RPS6KC1: variants seen among roughly 807,000 people sequenced by gnomAD.
RPS6KC1 encodes the protein inactive ribosomal protein S6 kinase delta-1.
A neutral mutation model predicts 103.8 loss-of-function variants in RPS6KC1; 54 were observed. The observed-to-expected ratio is 0.52, with a 90% CI of 0.42 to 0.65. The LOEUF (loss-of-function observed/expected upper bound fraction) is 0.65, where lower values mean the gene tolerates loss of function less well. Among genes scored for constraint, RPS6KC1 ranks in the 30% least tolerant of loss-of-function variants. The pLI is 0.00. For missense variants in RPS6KC1, 1,151 were observed against 1,253.8 expected, an observed-to-expected ratio of 0.92 and a Z score of 1.24; for synonymous variants, 439 against 438.7, an observed-to-expected ratio of 1.00 and a Z score of -0.01.
chr1:213,071,339 G>C (rs564784609), intron 2 of RPS6KC1, among the ~76,000 whole-genome samples: 1 of 152,096 alleles, frequency 6.6e-6, no homozygotes, highest in Admixed American at 6.5e-5. Context: ...ACGTTGGCCA[G>C]GCTGGTCTCG....
the RPS6KC1 span, among the ~76,000 whole-genome samples, chr1:213,431,018 G>A: frequency 6.6e-6 from 1 of 152,210 alleles, no homozygotes; most frequent in South Asian, 2.1e-4. Context: ...GGTTGGGGGT[G>A]GGGGAGTGTG....
At chr1:213,577,117 C>T in the RPS6KC1 span, among the ~76,000 whole-genome samples, 1 of 152,144 alleles carries the variant, frequency 6.6e-6, no homozygotes, top group African/African-American at 2.4e-5. Context: ...GGGAGGGACA[C>T]TGTTGGGAGG....
chr1:213,854,958 T>C, the RPS6KC1 span, among the ~76,000 whole-genome samples: 2 of 152,216 alleles, frequency 1.3e-5, no homozygotes, highest in African/African-American at 4.8e-5. Flanking sequence ...AAGTCCAAGA[T>C]CAAGGTTCTG....
chr1:213,242,525 G>T, intron 11 of RPS6KC1, 44 bp from the exon 12 acceptor site: 1 of 1,478,156 alleles, frequency 6.8e-7, no homozygotes, highest in East Asian at 2.3e-5. Flanking sequence ...TGCAGAAAAT[G>T]GAAGAGAAAA....
chr1:213,356,031 A>G, the RPS6KC1 span, among the ~76,000 whole-genome samples: 3 of 152,194 alleles, frequency 2.0e-5, no homozygotes, highest in South Asian at 6.2e-4. Flanking sequence ...CATGGAAAAT[A>G]TTCAATACAG....
At chr1:213,137,777 C>CTCTCTCTCTCTCTATA (rs1387641875) in intron 6 of RPS6KC1, among the ~76,000 whole-genome samples, 4 of 63,590 alleles carry the variant, frequency 6.3e-5, no homozygotes, top group African/African-American at 3.2e-4. Context: ...CTCTCTCTCT[C>CTCTCTCTCTCTCTATA]TATATATATA....
At chr1:213,694,477 G>A in the RPS6KC1 span, among the ~76,000 whole-genome samples, 1 of 152,124 alleles carries the variant, frequency 6.6e-6, no homozygotes, top group South Asian at 2.1e-4. Flanking sequence ...TAAGCCCATG[G>A]CTGATATCCT....
the RPS6KC1 span, among the ~76,000 whole-genome samples, chr1:213,403,527 A>G: frequency 3.3e-5 from 5 of 152,124 alleles, no homozygotes; most frequent in South Asian, 2.1e-4. Flanking sequence ...TGGTTCCTAT[A>G]TTAGACCTTC....
At chr1:213,215,635 C>T (rs921250002) in intron 8 of RPS6KC1, among the ~76,000 whole-genome samples, 4 of 152,134 alleles carry the variant, frequency 2.6e-5, no homozygotes, top group East Asian at 1.9e-4. Flanking sequence ...AGAGAAAGGT[C>T]GGGTTACCCA....
chr1:213,759,292 C>T, the RPS6KC1 span, among the ~76,000 whole-genome samples: 6 of 152,142 alleles, frequency 3.9e-5, no homozygotes, highest in Non-Finnish European at 8.8e-5. Flanking sequence ...AATGCTATTG[C>T]ACACTTAATA....
At chr1:213,268,369 G>C (rs866602735) in intron 14 of RPS6KC1, among the ~76,000 whole-genome samples, 1 of 151,606 alleles carries the variant, frequency 6.6e-6, no homozygotes, top group African/African-American at 2.4e-5. Context: ...CCCAAATATA[G>C]AAAGACTGGG....
chr1:213,210,613 T>C (rs2093477653), intron 8 of RPS6KC1, among the ~76,000 whole-genome samples: 1 of 152,258 alleles, frequency 6.6e-6, no homozygotes, highest in African/African-American at 2.4e-5. Context: ...TAAAACATTT[T>C]GGAATTTTTC....
chr1:213,540,653 A>G, the RPS6KC1 span, among the ~76,000 whole-genome samples: 4 of 152,214 alleles, frequency 2.6e-5, no homozygotes, highest in African/African-American at 9.6e-5. Context: ...GTCTGGTCAC[A>G]GTTTTTAAAA....
the RPS6KC1 span, among the ~76,000 whole-genome samples, chr1:213,514,436 T>C: frequency 2.1e-5 from 3 of 142,510 alleles, no homozygotes; most frequent in Non-Finnish European, 4.5e-5. Flanking sequence ...TCTGTCCATG[T>C]GTTCTCATTG....
At chr1:213,668,122 C>A in the RPS6KC1 span, among the ~76,000 whole-genome samples, 1 of 152,198 alleles carries the variant, frequency 6.6e-6, no homozygotes, top group Non-Finnish European at 1.5e-5. Flanking sequence ...CACAAATGTC[C>A]TTAATGGCAT....
chr1:213,567,627 T>A, the RPS6KC1 span, among the ~76,000 whole-genome samples: 1 of 152,262 alleles, frequency 6.6e-6, no homozygotes, highest in African/African-American at 2.4e-5. Flanking sequence ...TCTGATCCCA[T>A]ACAATACCAG....
At chr1:213,682,059 T>A in the RPS6KC1 span, among the ~76,000 whole-genome samples, 1 of 152,188 alleles carries the variant, frequency 6.6e-6, no homozygotes, top group Non-Finnish European at 1.5e-5. Context: ...ATTACGCTGT[T>A]CCTGCCATAG....
chr1:213,619,742 C>G, the RPS6KC1 span, among the ~76,000 whole-genome samples: 3 of 152,172 alleles, frequency 2.0e-5, no homozygotes, highest in South Asian at 2.1e-4. Context: ...GACCTATTGA[C>G]CTAGCATCTG....
At chr1:213,785,434 A>C in the RPS6KC1 span, among the ~76,000 whole-genome samples, 1 of 152,216 alleles carries the variant, frequency 6.6e-6, no homozygotes, top group Admixed American at 6.5e-5. Flanking sequence ...AATAAAAAAA[A>C]ACCCAGAAAA....
Sources: gnomAD v4.1 joint callset for allele counts (sites outside exome capture counted in the v4.1 genomes callset) on GRCh38, gnomAD v4.1.1 for gene constraint, MANE v1.5 for transcripts, NCBI Gene and HGNC (gene_info 2026-07-23, HGNC 2026-07-21) for gene names.